The following SCRN3 variants were observed in gnomAD, a reference collection of about 807,000 sequenced individuals.
SCRN3 encodes the protein secernin 3, also known as secernin-3.
Under a neutral mutation model 43.1 loss-of-function variants are expected in SCRN3, and 39 were observed. The ratio of observed to expected loss-of-function variants is 0.91; its 90% CI spans 0.70 to 1.18. The LOEUF is 1.18. SCRN3 is among the 50% of genes most tolerant of loss of function. The pLI is 0.00. For synonymous variants in SCRN3, 147 were observed against 163.1 expected (o/e 0.90, Z 0.75); for missense variants, 484 against 498.0 (o/e 0.97, Z 0.27).
Position 174,427,902 on chromosome 2 carries a change from T to C in SCRN3, c.*7T>C, listed in dbSNP as rs1019969662. 2.0e-6 allele frequency: 3 copies of C among 1,520,466 alleles called. No individual in the cohort carries two copies. Among genetic ancestry groups the C allele is most frequent in the African/African-American group, 2.7e-5 (2 of 73,670 alleles). The allele number at this position is 1,520,466 out of a possible 1,614,324, so 94.2% of individuals were successfully genotyped here. A position where few individuals can be genotyped will look rare whatever the true frequency, so the allele number is the denominator to read the frequency against. On this transcript the variant is annotated 3_prime_UTR_variant, in exon 8 of 8. Transcript: ENST00000272732. Reference sequence around the variant, plus strand: ...AGTCAAAGTTAGTTCTTAGTGATCATATGGTCAGCTAATATTAGTTCTTAG... The same window carrying C: ...AGTCAAAGTTAGTTCTTAGTGATCACATGGTCAGCTAATATTAGTTCTTAG...
intron 7 of SCRN3, 72 bp from the exon 8 acceptor site, chr2:174,427,641 G>C (rs576522016): frequency 2.3e-6 from 2 of 873,166 alleles, no homozygotes; most frequent in East Asian, 2.9e-5. Context: ...CTTATTTGTA[G>C]AGATGGGTTG....
rs762914471 is a variant in SCRN3, at chr2:174,401,131, G to C, written c.483G>C (p.Arg161Ser). The C allele has an allele frequency of 6.2e-7, 1 of 1,613,976 alleles. No individual in the cohort carries two copies. Among genetic ancestry groups the C allele is most frequent in the Non-Finnish European group, 8.5e-7 (1 of 1,179,908 alleles). ...SYHNSFLIAD[R>S]NEAWILETAG... ...ACAACAGTTTCCTGATAGCTGATAG[G>C]AATGAAGCCTGGATTCTGGAGACTG... The change falls in exon 4 of 8, where the codon AGG becomes AGC. Residue 161 changes from arginine to serine, a missense_variant. Coordinates refer to ENST00000272732, the MANE Select transcript of SCRN3 (RefSeq NM_024583.5).
At chr2:174,411,268 A>G (rs145304417) in intron 5 of SCRN3, among the ~76,000 whole-genome samples, 20 of 152,336 alleles carry the variant, frequency 1.3e-4, no homozygotes, top group African/African-American at 4.8e-4. Context: ...TATACCCACT[A>G]TATGAATATT....
At position 174,409,777 on chromosome 2, in the gene SCRN3, CAG is replaced by C. The variant is rs1685835294; in HGVS notation, c.754+5463_754+5464del. Among the ~76,000 whole-genome samples, 2 of 143,572 alleles carry C rather than the reference CAG, an allele frequency of 1.4e-5. 1 individual carries two copies. The highest frequency in any genetic ancestry group is 1.4e-4 in the Admixed American group (2 of 14,458). 94.2% of individuals were successfully genotyped at this position (143,572 alleles called of 152,430 possible). On this transcript the variant is annotated intron_variant, in intron 5 of 7. Transcript: ENST00000272732. ...CCTCCCAGTTAGGCTGCTCGGGGGT[CAG>C]GGGTCAGGGACCCACTTGAGCAGGC...
chr2:174,402,944 A>G (rs758846513), intron 4 of SCRN3, among the ~76,000 whole-genome samples: 7 of 151,912 alleles, frequency 4.6e-5, no homozygotes, highest in Non-Finnish European at 2.9e-5. Flanking sequence ...TTTGTATTTT[A>G]GTTGAAAACT....
At chr2:174,400,872 C>A in intron 3 of SCRN3, 118 bp from the exon 4 acceptor site, 1 of 836,384 alleles carries the variant, frequency 1.2e-6, no homozygotes, top group Non-Finnish European at 1.8e-6. Context: ...GATGTCATTT[C>A]ATCTGTTAAC....
At chr2:174,397,276 G>A in intron 1 of SCRN3, 1 of 984,710 alleles carries the variant, frequency 1.0e-6, no homozygotes, top group Non-Finnish European at 1.2e-6. Context: ...CCATTTTAAG[G>A]TTTTGCCATT....
chr2:174,424,588 A>G lies in SCRN3; in HGVS notation c.1031A>G (p.Asp344Gly). The G allele has an allele frequency of 6.2e-7, 1 of 1,613,544 alleles. No homozygotes were observed. The highest frequency in any genetic ancestry group is 8.5e-7 in the Non-Finnish European group (1 of 1,179,648). Residue 344 changes from aspartate (D) to glycine (G), a missense_variant, in exon 7 of 8, where the codon GAC (aspartate) becomes GGC (glycine). Transcript: ENST00000272732. ...AAAAAGAAATCACATTTTAAGCCTG[A>G]CAGAAGACACCCACTCTACCAAAAA... is the stretch of plus-strand genomic sequence containing the variant. ...LVKKKSHFKP[D>G]RRHPLYQKHQ...
At position 174,400,010 on chromosome 2, in the gene SCRN3, C is replaced by T. The variant is rs771437841; in HGVS notation, c.248C>T (p.Ala83Val). The T allele has an allele frequency of 6.3e-7, 1 of 1,597,254 alleles. No individual in the cohort carries two copies. The change falls in exon 3 of 8, where the codon GCC becomes GTC. Residue 83 changes from alanine (A) to valine (V), a missense_variant. Coordinates refer to ENST00000272732, the MANE Select transcript of SCRN3 (RefSeq NM_024583.5). ...PAWLWGAEMG[A>V]NEHGVCIGNE... ...TGGTTGTGGGGGGCAGAAATGGGAGCCAATGAGCATGGAGTTTGCATTGGG... is the reference window on the plus strand; with the variant it reads ...TGGTTGTGGGGGGCAGAAATGGGAGTCAATGAGCATGGAGTTTGCATTGGG...
At chr2:174,397,143 A>G (rs1055225258) in intron 1 of SCRN3, 12 of 980,584 alleles carry the variant, frequency 1.2e-5, no homozygotes, top group Non-Finnish European at 8.5e-6. Context: ...CACTGAGGAG[A>G]AGAGGAAAAC....
intron 7 of SCRN3, among the ~76,000 whole-genome samples, chr2:174,424,939 A>T (rs1686431234): frequency 6.6e-6 from 1 of 152,184 alleles, no homozygotes; most frequent in Non-Finnish European, 1.5e-5. Context: ...CTTCACAACC[A>T]CTTTATGAAA....
intron 5 of SCRN3, 108 bp downstream of exon 5, chr2:174,404,423 G>T: frequency 1.6e-5 from 11 of 700,570 alleles, no homozygotes; most frequent in Admixed American, 3.4e-5. Context: ...TAAAAATATT[G>T]TTCTATTAAA....
chr2:174,405,669 T>C (rs1040980710), intron 5 of SCRN3, among the ~76,000 whole-genome samples: 3 of 146,948 alleles, frequency 2.0e-5, no homozygotes, highest in Non-Finnish European at 4.6e-5. Flanking sequence ...TTCAGCTTCC[T>C]ACATATGGCT....
At chr2:174,414,961 C>T (rs1001533087) in intron 5 of SCRN3, among the ~76,000 whole-genome samples, 1 of 152,014 alleles carries the variant, frequency 6.6e-6, no homozygotes. Context: ...ATGGGTTTCA[C>T]CGTGTTGGCC....
At chr2:174,423,195 A>G (rs1444906893) in intron 6 of SCRN3, 148 bp downstream of exon 6, 3 of 563,332 alleles carry the variant, frequency 5.3e-6, no homozygotes, top group Non-Finnish European at 9.0e-6. Context: ...TTAATCTGCA[A>G]TATCCACAAA....
chr2:174,411,072 C>G (rs1235342247), intron 5 of SCRN3, among the ~76,000 whole-genome samples: 1 of 152,118 alleles, frequency 6.6e-6, no homozygotes, highest in African/African-American at 2.4e-5. Context: ...TACTCCACTC[C>G]CTACCCAGAG....
At chr2:174,423,110 G>A (rs1171759939) in intron 6 of SCRN3, 63 bp downstream of exon 6, 1 of 1,346,122 alleles carries the variant, frequency 7.4e-7, no homozygotes, top group Non-Finnish European at 1.0e-6. Flanking sequence ...TCATTAGTAT[G>A]TTAATAATTT....
At chr2:174,396,416 G>A in intron 1 of SCRN3, 1 of 696,306 alleles carries the variant, frequency 1.4e-6, no homozygotes, top group Non-Finnish European at 1.8e-6. Flanking sequence ...CAGCTTGATG[G>A]CCCTTGGGAC....
Position 174,398,349 on chromosome 2 carries a change from T to C in SCRN3, c.66T>C (p.Ile22=). 1 of 1,607,638 alleles carries C rather than the reference T, an allele frequency of 6.2e-7. No homozygotes were observed. Among genetic ancestry groups the C allele is most frequent in the South Asian group, 1.1e-5 (1 of 89,052 alleles). ...LPPATVDNRI[I]FGKNSDRLYD... The stretch of plus-strand genomic sequence containing the variant: ...CAGCAACAGTCGATAACAGGATTAT[T>C]TTTGGAAAAAATTCAGATAGACTCT... Residue 22 remains isoleucine (I), a synonymous_variant, in exon 2 of 8, where the codon ATT becomes ATC. Coordinates refer to ENST00000272732, the MANE Select transcript of SCRN3 (RefSeq NM_024583.5).
Sources: allele counts gnomAD v4.1 joint callset (sites outside exome capture counted in the v4.1 genomes callset), GRCh38; gene constraint gnomAD v4.1.1; transcripts MANE v1.5; gene names NCBI Gene and HGNC (gene_info 2026-07-23, HGNC 2026-07-21).